FYB1: variants seen among roughly 807,000 people sequenced by gnomAD.
FYB1 encodes the protein FYN-binding protein 1.
FYB1 carries 41 observed loss-of-function variants against 94.1 expected under a neutral mutation model. That is an observed-to-expected ratio of 0.44 (90% CI 0.34 to 0.57). FYB1 has a LOEUF of 0.57. Ranked by LOEUF, FYB1 falls within the 20% of genes least tolerant of loss-of-function variation. FYB1 has a pLI of 0.02. For synonymous variants in FYB1, 367 were observed against 353.2 expected, an observed-to-expected ratio of 1.04 and a Z score of -0.44; for missense variants, 1,050 against 976.8, an observed-to-expected ratio of 1.07 and a Z score of -1.00.
intron 2 of FYB1, among the ~76,000 whole-genome samples, chr5:39,192,577 A>T (rs886897676): frequency 6.6e-6 from 1 of 152,196 alleles, no homozygotes; most frequent in Non-Finnish European, 1.5e-5. Flanking sequence ...GATTGCAGGA[A>T]GAGTTCTTAT....
Position 39,201,935 on chromosome 5 carries a change from C to A in FYB1, c.1026G>T (p.Pro342=), listed in dbSNP as rs776689421. ...KEKGDKNSAT[P]KQKPLPPLFT... Reference sequence around the variant, plus strand: ...ACAAGGGAGGCAATGGCTTCTGTTTCGGGGTGGCTGAATTCTTGTCTCCCT... The same window carrying A: ...ACAAGGGAGGCAATGGCTTCTGTTTAGGGGTGGCTGAATTCTTGTCTCCCT... The change falls in exon 2 of 19, where the codon CCG becomes CCT. Residue 342 remains proline, a synonymous_variant. Transcript: ENST00000512982. The A allele has an allele frequency of 6.2e-7, 1 of 1,613,976 alleles. No homozygotes were observed. Among genetic ancestry groups the A allele is most frequent in the Middle Eastern group, 1.6e-4 (1 of 6,062 alleles).
At chr5:39,150,167 C>G (rs963724333) in intron 3 of FYB1, among the ~76,000 whole-genome samples, 1 of 152,130 alleles carries the variant, frequency 6.6e-6, no homozygotes. Context: ...CCCACGCTCA[C>G]CAAACTGAAA....
intron 1 of FYB1, among the ~76,000 whole-genome samples, chr5:39,255,718 C>G (rs577178434): frequency 6.6e-6 from 1 of 152,268 alleles, no homozygotes; most frequent in Admixed American, 6.5e-5. Flanking sequence ...CAAAGGGAAA[C>G]TATCTGAACT....
intron 1 of FYB1, among the ~76,000 whole-genome samples, chr5:39,273,202 GGGGAAAA>G: frequency 6.6e-6 from 1 of 152,344 alleles, no homozygotes; most frequent in Non-Finnish European, 1.5e-5. Context: ...GAATAGAAAA[GGGGAAAA>G]GGTGGGGAAA....
chr5:39,108,864 C>G (rs959911489), intron 17 of FYB1, among the ~76,000 whole-genome samples: 2 of 152,048 alleles, frequency 1.3e-5, no homozygotes, highest in African/African-American at 4.8e-5. Context: ...TACTTTTACA[C>G]ATTTTAGGTT....
intron 2 of FYB1, among the ~76,000 whole-genome samples, chr5:39,158,087 G>T (rs547894014): frequency 6.6e-6 from 1 of 152,342 alleles, no homozygotes; most frequent in South Asian, 2.1e-4. Context: ...ACAGTTTATA[G>T]CAGTTACAGA....
At chr5:39,234,151 A>G (rs1346194947) in intron 1 of FYB1, among the ~76,000 whole-genome samples, 2 of 152,092 alleles carry the variant, frequency 1.3e-5, no homozygotes, top group Non-Finnish European at 2.9e-5. Flanking sequence ...CCCCATCACC[A>G]CAGCACATAT....
chr5:39,166,050 G>T (rs898027897), intron 2 of FYB1, among the ~76,000 whole-genome samples: 1 of 152,152 alleles, frequency 6.6e-6, no homozygotes, highest in Non-Finnish European at 1.5e-5. Context: ...AATTAGTACA[G>T]CTTCTAGAGA....
At position 39,106,028 on chromosome 5, in the gene FYB1, A is replaced by G. The variant is rs865935084; in HGVS notation, c.*1415T>C. The G allele has an allele frequency of 1.3e-5, 2 of 152,190 alleles. No individual in the cohort carries two copies. The highest frequency in any genetic ancestry group is 6.5e-5 in the Admixed American group (1 of 15,272). 9.4% of individuals were successfully genotyped at this position (152,190 alleles called of 1,614,324 possible). Reference sequence around the variant, plus strand: ...CTGTGGAGCCACTTCAGAAACTCCAATGGGCCTTTGCAATATTAAAATGTG... The same window carrying G: ...CTGTGGAGCCACTTCAGAAACTCCAGTGGGCCTTTGCAATATTAAAATGTG... On this transcript the variant is annotated 3_prime_UTR_variant, in exon 19 of 19. Transcript: ENST00000512982.
chr5:39,169,488 G>A (rs375930240), intron 2 of FYB1: 6 of 652,588 alleles, frequency 9.2e-6, no homozygotes, highest in Non-Finnish European at 1.8e-5. Flanking sequence ...CATATTAATC[G>A]AAGACCCGTT....
intron 1 of FYB1, among the ~76,000 whole-genome samples, chr5:39,229,330 T>C (rs928574408): frequency 6.6e-6 from 1 of 152,192 alleles, no homozygotes; most frequent in African/African-American, 2.4e-5. Flanking sequence ...TAATTTGTTC[T>C]ATAGAGTCAT....
intron 14 of FYB1, among the ~76,000 whole-genome samples, chr5:39,121,183 C>CAAAA (rs56376626): frequency 1.1e-3 from 64 of 57,664 alleles, no homozygotes; most frequent in Non-Finnish European, 1.5e-3. Context: ...TAATGTAAAG[C>CAAAA]AAAAAAAAAA....
chr5:39,255,146 T>A (rs564890954), intron 1 of FYB1, among the ~76,000 whole-genome samples: 1 of 152,272 alleles, frequency 6.6e-6, no homozygotes, highest in South Asian at 2.1e-4. Flanking sequence ...TATTTACATT[T>A]GGGGGAAAAG....
At chr5:39,160,123 A>G (rs1462048106) in intron 2 of FYB1, among the ~76,000 whole-genome samples, 3 of 152,240 alleles carry the variant, frequency 2.0e-5, no homozygotes, top group African/African-American at 4.8e-5. Flanking sequence ...CCACTTTTAT[A>G]TCAACCTTCC....
chr5:39,270,247 G>A (rs1451378221), intron 1 of FYB1, among the ~76,000 whole-genome samples: 1 of 152,154 alleles, frequency 6.6e-6, no homozygotes, highest in African/African-American at 2.4e-5. Context: ...CTCATAACAG[G>A]AAACTCGACT....
chr5:39,125,274 A>G (rs1740537325), intron 12 of FYB1, among the ~76,000 whole-genome samples: 2 of 152,152 alleles, frequency 1.3e-5, no homozygotes, highest in Non-Finnish European at 2.9e-5. Context: ...TGGTGAATTC[A>G]TGAGCTAAAT....
At chr5:39,228,394 A>G (rs1750574463) in intron 1 of FYB1, among the ~76,000 whole-genome samples, 1 of 152,206 alleles carries the variant, frequency 6.6e-6, no homozygotes, top group Admixed American at 6.5e-5. Flanking sequence ...TGTTTCTTAT[A>G]TATTCTGTTT....
At chr5:39,235,183 C>T (rs1159363635) in intron 1 of FYB1, among the ~76,000 whole-genome samples, 1 of 151,740 alleles carries the variant, frequency 6.6e-6, no homozygotes, top group African/African-American at 2.4e-5. Flanking sequence ...GAATTGTTTC[C>T]TGTTCACACC....
Position 39,139,364 on chromosome 5 carries a change from C to G in FYB1, c.1340-112G>C, listed in dbSNP as rs1580363348. ...CAAAATAGTTCATAATCTAACAGAA[C>G]TTATGCTTTATCAAAGATACAGAAA... On this transcript the variant is annotated intron_variant, in intron 4 of 18. Coordinates refer to ENST00000512982, the MANE Select transcript of FYB1 (RefSeq NM_001465.6). The G allele has an allele frequency of 7.8e-6, 7 of 895,220 alleles. No homozygotes were observed. The South Asian group carries it at 2.0e-4, about 26-fold the overall frequency. 55.5% of individuals were successfully genotyped at this position (895,220 alleles called of 1,614,324 possible). A position where few individuals can be genotyped will look rare whatever the true frequency, so the allele number is the denominator to read the frequency against.
Sources: allele counts gnomAD v4.1 joint callset (sites outside exome capture counted in the v4.1 genomes callset), GRCh38; gene constraint gnomAD v4.1.1; transcripts MANE v1.5; gene names NCBI Gene and HGNC (gene_info 2026-07-23, HGNC 2026-07-21).